ENTPD6: variants seen among roughly 807,000 people sequenced by gnomAD.
ENTPD6 encodes ectonucleoside triphosphate diphosphohydrolase 6, also known as CD39 antigen-like 2.
Under a neutral mutation model 61.5 loss-of-function variants are expected in ENTPD6, and 46 were observed. The observed-to-expected ratio is 0.75, with a 90% CI of 0.59 to 0.96. The LOEUF is 0.96. ENTPD6 is among the 40% of genes least tolerant of loss of function. The pLI is 0.00. For synonymous variants in ENTPD6, 252 were observed against 255.5 expected (o/e 0.99, Z 0.13); for missense variants, 612 against 629.0 (o/e 0.97, Z 0.29).
chr20:25,217,085 G>A (rs75698703), intron 8 of ENTPD6, among the ~76,000 whole-genome samples: 1,763 of 152,336 alleles, frequency 0.012, 35 homozygotes, highest in African/African-American at 0.039. Flanking sequence ...ATTTTGTCCA[G>A]TTCATAGGTT....
At chr20:25,209,202 C>T (rs1443376269) in intron 3 of ENTPD6, among the ~76,000 whole-genome samples, 40 of 151,268 alleles carry the variant, frequency 2.6e-4, no homozygotes, top group Admixed American at 1.3e-3. Flanking sequence ...CTCCGCCCCC[C>T]GGGTTCATGC....
intron 5 of ENTPD6, 167 bp from the exon 6 acceptor site, chr20:25,214,700 C>A: frequency 1.7e-6 from 1 of 603,216 alleles, no homozygotes; most frequent in Non-Finnish European, 3.0e-6. Flanking sequence ...ATGAAGAAAG[C>A]CGGTCTGAGT....
chr20:25,221,550 CCTGA>C (rs1351320243), intron 11 of ENTPD6: 6 of 600,302 alleles, frequency 1.0e-5, no homozygotes, highest in African/African-American at 9.2e-5. Context: ...TCAACATTCC[CCTGA>C]CTGTCACCAG....
chr20:25,199,861 C>G (rs1389104038), intron 1 of ENTPD6, among the ~76,000 whole-genome samples: 5 of 152,258 alleles, frequency 3.3e-5, no homozygotes, highest in African/African-American at 2.4e-5. Flanking sequence ...CAGTTCAGCT[C>G]TAAATTGAAT....
At chr20:25,223,516 G>C (rs1047964903) in intron 12 of ENTPD6, among the ~76,000 whole-genome samples, 1 of 152,124 alleles carries the variant, frequency 6.6e-6, no homozygotes, top group African/African-American at 2.4e-5. Flanking sequence ...AGAATGTATG[G>C]CCTGTGGTAC....
At chr20:25,214,353 C>G (rs142844304) in intron 5 of ENTPD6, among the ~76,000 whole-genome samples, 126 of 152,306 alleles carry the variant, frequency 8.3e-4, no homozygotes, top group African/African-American at 2.7e-3. Context: ...GGAAATACCC[C>G]CCGAGGCCAG....
chr20:25,222,622 C>G, intron 11 of ENTPD6: 1 of 530,866 alleles, frequency 1.9e-6, no homozygotes, highest in East Asian at 3.3e-5. Context: ...GGTCTTCACT[C>G]CCTGCGCCGG....
In ENTPD6 at chr20:25,213,721, G is replaced by A. The variant is rs545167538; in HGVS notation, c.597+315G>A. Among the ~76,000 whole-genome samples the A allele has an allele frequency of 9.8e-5, 15 of 152,302 alleles. No individual in the cohort carries two copies. The East Asian group carries it at 1.5e-3, about 16-fold the overall frequency. On this transcript the variant is annotated intron_variant, in intron 5 of 14. Transcript: ENST00000376652. Reference sequence around the variant, plus strand: ...TCCCAGTAATCTGGGAGGCCAAGGCGGGCGAATCATTTGAGCCCAGGAGTT... The same window carrying A: ...TCCCAGTAATCTGGGAGGCCAAGGCAGGCGAATCATTTGAGCCCAGGAGTT...
At chr20:25,219,133 G>A (rs1171251689) in intron 10 of ENTPD6, among the ~76,000 whole-genome samples, 1 of 152,200 alleles carries the variant, frequency 6.6e-6, no homozygotes, top group African/African-American at 2.4e-5. Flanking sequence ...TGCCTGCCTT[G>A]GCCTTCCAAA....
chr20:25,215,578 A>G (rs1472397366), intron 6 of ENTPD6, 98 bp from the exon 7 acceptor site: 60 of 1,251,556 alleles, frequency 4.8e-5, no homozygotes, highest in South Asian at 2.2e-4. Flanking sequence ...TGATCCCTTT[A>G]TGCTCCCCAG....
intron 4 of ENTPD6, 60 bp from the exon 5 acceptor site, chr20:25,213,203 C>T (rs1600597537): frequency 1.2e-6 from 2 of 1,605,062 alleles, no homozygotes; most frequent in East Asian, 2.2e-5. Context: ...GTGGAAGCAG[C>T]ACGTGTGACC....
At chr20:25,196,309 A>G in intron 1 of ENTPD6, 1 of 867,418 alleles carries the variant, frequency 1.2e-6, no homozygotes, top group Non-Finnish European at 1.4e-6. Context: ...TCACCCTGGC[A>G]TTGGGGTGGT....
intron 1 of ENTPD6, chr20:25,196,143 C>T (rs1004517072): frequency 6.6e-5 from 80 of 1,219,658 alleles, no homozygotes; most frequent in Non-Finnish European, 8.0e-5. Flanking sequence ...CTGCTGCGTT[C>T]ATTCATTCAG....
intron 11 of ENTPD6, 149 bp from the exon 12 acceptor site, chr20:25,222,689 C>G: frequency 9.6e-7 from 1 of 1,037,102 alleles, no homozygotes; most frequent in Non-Finnish European, 1.4e-6. Context: ...GGAGCAGCCC[C>G]AACTTGGGGT....
In ENTPD6 at chr20:25,221,224, T is replaced by C. The variant is rs775669296; in HGVS notation, c.944-8T>C. On this transcript the variant is annotated splice_region_variant and splice_polypyrimidine_tract_variant and intron_variant, in intron 10 of 14. Transcript: ENST00000376652. Reference sequence around the variant, plus strand: ...TCCTTTCTCTTTCCTTTTTAATCTCTGTTTCAGCTAAGGATGGAAAGGAGT... The same window carrying C: ...TCCTTTCTCTTTCCTTTTTAATCTCCGTTTCAGCTAAGGATGGAAAGGAGT... 1.2e-6 allele frequency: 2 copies of C among 1,607,510 alleles called. No homozygotes were observed. Among genetic ancestry groups the C allele is most frequent in the South Asian group, 2.2e-5 (2 of 90,786 alleles).
intron 12 of ENTPD6, 106 bp from the exon 13 acceptor site, chr20:25,223,995 A>T: frequency 9.7e-7 from 1 of 1,029,220 alleles, no homozygotes; most frequent in Middle Eastern, 2.1e-4. Flanking sequence ...GAAGCCAGTC[A>T]GTGCCTTGGG....
Position 25,225,751 on chromosome 20 carries a change from C to T in ENTPD6, c.*154C>T, listed in dbSNP as rs562257189. 2.5e-5 allele frequency: 16 copies of T among 639,404 alleles called. No homozygotes were observed. In the East Asian group the frequency reaches 3.9e-4, roughly 15 times the overall value. 39.6% of individuals were successfully genotyped at this position (639,404 alleles called of 1,614,324 possible). ...GGACTTGCAGAAGGCCTGGTGCTGC[C>T]CTGGCATCAGCCTCTTCCAGTCACA... is the stretch of plus-strand genomic sequence containing the variant. On this transcript the variant is annotated 3_prime_UTR_variant, in exon 15 of 15. Coordinates refer to ENST00000376652, the MANE Select transcript of ENTPD6 (RefSeq NM_001247.5).
At chr20:25,222,742 A>G in intron 11 of ENTPD6, 96 bp from the exon 12 acceptor site, 2 of 1,502,168 alleles carry the variant, frequency 1.3e-6, no homozygotes, top group Non-Finnish European at 1.8e-6. Context: ...CTGACAATTC[A>G]GGTCAGAGTC....
At position 25,226,018 on chromosome 20, in the gene ENTPD6, A is replaced by G. The variant is rs1044573; in HGVS notation, c.*421A>G. ...CCCAGGGCAGAGCTCCCCTTCCTGCAAGAGTCTGGGAGGCGGTGCAGGCTG... is the reference window on the plus strand; with the variant it reads ...CCCAGGGCAGAGCTCCCCTTCCTGCGAGAGTCTGGGAGGCGGTGCAGGCTG... On this transcript the variant is annotated 3_prime_UTR_variant, in exon 15 of 15. Coordinates refer to ENST00000376652, the MANE Select transcript of ENTPD6 (RefSeq NM_001247.5). The G allele has an allele frequency of 0.5, 78,326 of 157,614 alleles. 20,137 individuals are homozygous for G. The highest frequency in any genetic ancestry group is 0.92 in the East Asian group (4,923 of 5,352). 9.8% of individuals were successfully genotyped at this position (157,614 alleles called of 1,614,324 possible).
Sources: allele counts gnomAD v4.1 joint callset (sites outside exome capture counted in the v4.1 genomes callset), GRCh38; gene constraint gnomAD v4.1.1; transcripts MANE v1.5; gene names NCBI Gene and HGNC (gene_info 2026-07-23, HGNC 2026-07-21).